SERAC1: variants seen among roughly 807,000 people sequenced by gnomAD.
The protein encoded by SERAC1 is protein SERAC1.
A neutral mutation model predicts 85.7 loss-of-function variants in SERAC1; 36 were observed. The ratio of observed to expected loss-of-function variants is 0.42; its 90% confidence interval spans 0.32 to 0.55. SERAC1 has a LOEUF of 0.55. Among genes scored for constraint, SERAC1 ranks in the 20% least tolerant of loss-of-function variants. The probability of loss-of-function intolerance (pLI) is 0.11; values close to 1 mark genes in which losing one functional copy is unlikely to be tolerated. For synonymous variants in SERAC1, 242 were observed against 265.3 expected (o/e 0.91, Z 0.85); for missense variants, 629 against 796.2 (o/e 0.79, Z 2.53).
chr6:158,150,917 A>G (rs1051726565), intron 3 of SERAC1: 9 of 231,784 alleles, frequency 3.9e-5, no homozygotes, highest in Non-Finnish European at 6.0e-5. Context: ...CCCGTCCTAT[A>G]AAAGTCTAGC....
At chr6:158,127,266 A>G (rs866910553) in intron 10 of SERAC1, among the ~76,000 whole-genome samples, 184 of 3,020 alleles carry the variant, frequency 0.061, 50 homozygotes, top group African/African-American at 0.13. Context: ...CCCCCCGCCC[A>G]GCCAGCCGCC....
chr6:158,113,869 G>A (rs574981625), intron 15 of SERAC1, among the ~76,000 whole-genome samples: 1 of 152,184 alleles, frequency 6.6e-6, no homozygotes, highest in East Asian at 1.9e-4. Context: ...GGACCACAGG[G>A]GTCCTCCAGT....
chr6:158,115,896 G>A (rs1408291608), intron 14 of SERAC1, among the ~76,000 whole-genome samples: 2 of 152,146 alleles, frequency 1.3e-5, no homozygotes, highest in African/African-American at 4.8e-5. Flanking sequence ...TATATGAAAC[G>A]GGCTGCTTCT....
In SERAC1 at chr6:158,148,945, C is replaced by T. The variant is rs1366554838; in HGVS notation, c.275G>A (p.Trp92Ter). 6.2e-7 allele frequency: 1 copy of T among 1,606,070 alleles called. No individual in the cohort carries two copies. The highest frequency in any genetic ancestry group is 8.5e-7 in the Non-Finnish European group (1 of 1,175,904). ...LDKGENHGIA[W>*]QARKELHKAV... ...TTTGTGAAGTTCTTTTCTTGCCTGC[C>T]AGGCAATACCTAAAATGATTATAAA... Residue 92 changes from tryptophan (W) to a stop codon, truncating the protein, a stop_gained, in exon 5 of 17, where the codon TGG (tryptophan) becomes TAG (stop). Transcript: ENST00000647468. LOFTEE classifies it high-confidence loss of function.
intron 16 of SERAC1, chr6:158,113,138 C>G (rs1171571745): frequency 2.9e-5 from 11 of 383,794 alleles, no homozygotes; most frequent in East Asian, 3.8e-5. Context: ...AAATAAATGC[C>G]CCTTTTGATC....
chr6:158,157,520 G>A (rs1378116839), intron 2 of SERAC1, among the ~76,000 whole-genome samples: 1 of 152,046 alleles, frequency 6.6e-6, no homozygotes, highest in African/African-American at 2.4e-5. Context: ...GTATTCTTAG[G>A]GCCTAGAATT....
intron 8 of SERAC1, among the ~76,000 whole-genome samples, chr6:158,132,460 T>C (rs978001446): frequency 1.3e-5 from 2 of 152,164 alleles, no homozygotes; most frequent in African/African-American, 4.8e-5. Flanking sequence ...TGGTAAATAG[T>C]GGATTGGTAA....
Position 158,124,360 on chromosome 6 carries a change from AAGAT to A in SERAC1, c.1015+3744_1015+3747del, listed in dbSNP as rs139738110. Among the ~76,000 whole-genome samples, 594 of 152,306 alleles carry A rather than the reference AAGAT, an allele frequency of 3.9e-3. 6 individuals are homozygous for A. Among genetic ancestry groups the A allele is most frequent in the African/African-American group, 0.014 (569 of 41,566 alleles). On this transcript the variant is annotated intron_variant, in intron 10 of 16. Coordinates refer to ENST00000647468, the MANE Select transcript of SERAC1 (RefSeq NM_032861.4). ...ATATACATAACAGAAGTTCCAGAAA[AAGAT>A]AAGAATAAAAAAGGACAAAAGAATA... is the stretch of plus-strand genomic sequence containing the variant.
At chr6:158,138,437 A>T (rs1230193533) in intron 8 of SERAC1, among the ~76,000 whole-genome samples, 1 of 23,144 alleles carries the variant, frequency 4.3e-5, no homozygotes, top group African/African-American at 1.5e-4. Flanking sequence ...CTCTGTCTCA[A>T]AAAAAAAAAA....
chr6:158,113,301 T>C (rs1040357073), intron 16 of SERAC1, 148 bp downstream of exon 16: 1 of 637,218 alleles, frequency 1.6e-6, no homozygotes, highest in Non-Finnish European at 2.6e-6. Context: ...TTTTAATCTA[T>C]TGCTGAAAAG....
At position 158,146,878 on chromosome 6, in the gene SERAC1, A is replaced by G. The variant is rs147085187; in HGVS notation, c.391T>C (p.Cys131Arg). 210 of 1,613,766 alleles carry G rather than the reference A, an allele frequency of 1.3e-4. No individual in the cohort carries two copies. The highest frequency in any genetic ancestry group is 1.6e-4 in the Non-Finnish European group (185 of 1,179,842). The change falls in exon 6 of 17, where the codon TGT becomes CGT. Residue 131 changes from cysteine (C) to arginine (R), a missense_variant. Physicochemically the swap from Cys to Arg is radical, Grantham distance 180 (BLOSUM62 -3). Coordinates refer to ENST00000647468, the MANE Select transcript of SERAC1 (RefSeq NM_032861.4). ...FSTVDIEDHECAVWLLLRKSK... is the reference protein window; with the variant it reads ...FSTVDIEDHERAVWLLLRKSK... ...TTCCGTAGGAGCAGCCACACAGCAC[A>G]CTCATGATCTTCTATATCAACTGTA...
chr6:158,144,348 C>T lies in SERAC1; in HGVS notation c.560G>A (p.Ser187Asn). The T allele has an allele frequency of 6.2e-7, 1 of 1,612,430 alleles. No homozygotes were observed. The highest frequency in any genetic ancestry group is 1.1e-5 in the South Asian group (1 of 91,008). ...TGGTAGGAGAAAAAAGCGAAGATCA[C>T]TCTCTTCGCTTCGTGCCAAACCAAT... ...TLIGLARSEE[S>N]DLRFFLLPPP... The change falls in exon 7 of 17, where the codon AGT (serine) becomes AAT (asparagine). Residue 187 changes from serine (S) to asparagine (N), a missense_variant. Coordinates refer to ENST00000647468, the MANE Select transcript of SERAC1 (RefSeq NM_032861.4).
chr6:158,156,172 A>G (rs1029312840), intron 2 of SERAC1, among the ~76,000 whole-genome samples: 5 of 152,152 alleles, frequency 3.3e-5, no homozygotes, highest in Non-Finnish European at 5.9e-5. Flanking sequence ...AAAATAAAAT[A>G]CAGATTATAT....
intron 2 of SERAC1, among the ~76,000 whole-genome samples, chr6:158,157,344 C>T (rs1562460266): frequency 6.6e-6 from 1 of 152,106 alleles, no homozygotes; most frequent in Admixed American, 6.5e-5. Context: ...TTGTTCAGAG[C>T]TTCAACTCAT....
intron 8 of SERAC1, among the ~76,000 whole-genome samples, chr6:158,134,334 C>G (rs1414753386): frequency 1.3e-5 from 2 of 152,182 alleles, no homozygotes; most frequent in East Asian, 1.9e-4. Flanking sequence ...TACTAAATAC[C>G]ATTAGCCCTA....
chr6:158,166,390 C>T (rs1785597559), intron 1 of SERAC1, among the ~76,000 whole-genome samples: 1 of 152,174 alleles, frequency 6.6e-6, no homozygotes, highest in Non-Finnish European at 1.5e-5. Flanking sequence ...ATCATACCAT[C>T]TTAATAATTA....
At chr6:158,114,522 A>AAAAC in intron 15 of SERAC1, 3 of 1,200,304 alleles carry the variant, frequency 2.5e-6, no homozygotes, top group Non-Finnish European at 3.1e-6. Context: ...ACTTAAAAGC[A>AAAAC]AAACATTATC....
At chr6:158,131,185 G>A (rs190830608) in intron 8 of SERAC1, among the ~76,000 whole-genome samples, 83 of 151,080 alleles carry the variant, frequency 5.5e-4, no homozygotes, top group African/African-American at 1.9e-3. Flanking sequence ...TCTCCTACAA[G>A]TCAGTGACAA....
chr6:158,121,006 C>A (rs142851696), intron 10 of SERAC1, among the ~76,000 whole-genome samples: 1 of 152,114 alleles, frequency 6.6e-6, no homozygotes, highest in Admixed American at 6.5e-5. Flanking sequence ...AATGAAGAAA[C>A]TATTTCTTAA....
Sources: gnomAD v4.1 joint callset for allele counts (sites outside exome capture counted in the v4.1 genomes callset) on GRCh38, gnomAD v4.1.1 for gene constraint, MANE v1.5 for transcripts, NCBI Gene and HGNC (gene_info 2026-07-23, HGNC 2026-07-21) for gene names.